The following GLRA2 variants were observed in gnomAD, a reference collection of about 807,000 sequenced individuals.
GLRA2 encodes glycine receptor alpha 2, also known as glycine receptor subunit alpha-2.
GLRA2 carries 11 observed loss-of-function variants against 31.6 expected under a neutral mutation model. The ratio of observed to expected loss-of-function variants is 0.35; its 90% CI spans 0.22 to 0.58. The LOEUF (loss-of-function observed/expected upper bound fraction) is 0.58, where lower values mean the gene tolerates loss of function less well. GLRA2 is among the 20% of genes least tolerant of loss of function. GLRA2 has a pLI of 0.84. For missense variants in GLRA2, 212 were observed against 351.8 expected (o/e 0.60, Z 3.18); for synonymous variants, 132 against 134.0 (o/e 0.99, Z 0.10).
At chrX:14,602,493 T>C (rs1300039993) in intron 4 of GLRA2, among the ~76,000 whole-genome samples, 1 of 110,760 alleles carries the variant, frequency 9.0e-6, no homozygotes, top group Non-Finnish European at 1.9e-5. Context: ...TTAAGTTCTT[T>C]AGTGGTGATT....
At chrX:14,691,322 TGTGC>T (rs1371457683) in intron 8 of GLRA2, among the ~76,000 whole-genome samples, 33 of 81,949 alleles carry the variant, frequency 4.0e-4, no homozygotes, top group African/African-American at 1.4e-3. Context: ...TGTGTGTGTG[TGTGC>T]GCGCGTGCGT....
In GLRA2 at chrX:14,671,177, A is replaced by G. The variant is rs189384704; in HGVS notation, c.931-19533A>G. On this transcript the variant is annotated intron_variant, in intron 7 of 8. Coordinates refer to ENST00000218075, the MANE Select transcript of GLRA2 (RefSeq NM_002063.4). Reference sequence around the variant, plus strand: ...ACTCCATTCTTACTGGTGATGGGCAAGCCAGCCAGGCATAGGATATTTGCT... The same window carrying G: ...ACTCCATTCTTACTGGTGATGGGCAGGCCAGCCAGGCATAGGATATTTGCT... Among the ~76,000 whole-genome samples the G allele has an allele frequency of 1.2e-4, 13 of 111,905 alleles. No homozygotes were observed. The East Asian group carries it at 3.7e-3, about 32-fold the overall frequency.
At chrX:14,556,906 T>C (rs766711074) in intron 2 of GLRA2, among the ~76,000 whole-genome samples, 93 of 111,017 alleles carry the variant, frequency 8.4e-4, no homozygotes, top group African/African-American at 3.0e-3. Flanking sequence ...AGGTCATAAG[T>C]AGTAGAAGAC....
At chrX:14,642,865 G>A (rs1200496706) in intron 7 of GLRA2, among the ~76,000 whole-genome samples, 3 of 110,682 alleles carry the variant, frequency 2.7e-5, no homozygotes, top group Non-Finnish European at 5.7e-5. Context: ...TAGAACCAGT[G>A]AGCTGATAAG....
chrX:14,533,523 GAAAA>G (rs1044537875), intron 2 of GLRA2, among the ~76,000 whole-genome samples: 1 of 95,374 alleles, frequency 1.0e-5, no homozygotes, highest in Non-Finnish European at 2.1e-5. Context: ...AAATTTTTCT[GAAAA>G]AAAAAAAAAG....
intron 2 of GLRA2, among the ~76,000 whole-genome samples, chrX:14,557,415 C>A (rs1352880368): frequency 4.5e-5 from 5 of 111,173 alleles, no homozygotes; most frequent in African/African-American, 1.6e-4. Flanking sequence ...GTGCCCGGCC[C>A]ACCTAAAGTA....
intron 7 of GLRA2, among the ~76,000 whole-genome samples, chrX:14,688,310 C>T (rs1191339008): frequency 9.0e-6 from 1 of 111,457 alleles, no homozygotes; most frequent in Non-Finnish European, 1.9e-5. Context: ...CTGGGAGAAC[C>T]ACTACTCTCT....
the GLRA2 span, among the ~76,000 whole-genome samples, chrX:14,501,989 G>A: frequency 9.0e-6 from 1 of 110,814 alleles, no homozygotes; most frequent in African/African-American, 3.3e-5. Context: ...TTTCTTATAA[G>A]GATACCTGTC....
At chrX:14,454,829 A>G in the GLRA2 span, among the ~76,000 whole-genome samples, 1 of 112,277 alleles carries the variant, frequency 8.9e-6, no homozygotes, top group East Asian at 2.8e-4. Flanking sequence ...CTAAACAATG[A>G]TATAAAAATT....
intron 7 of GLRA2, among the ~76,000 whole-genome samples, chrX:14,657,800 T>C: frequency 8.9e-6 from 1 of 112,285 alleles, no homozygotes; most frequent in Admixed American, 9.4e-5. Context: ...GTGATGATGA[T>C]GATTATGAGT....
At chrX:14,703,219 C>T (rs1339666492) in intron 8 of GLRA2, among the ~76,000 whole-genome samples, 2 of 111,447 alleles carry the variant, frequency 1.8e-5, no homozygotes, top group East Asian at 5.6e-4. Flanking sequence ...AATAAACAAC[C>T]AAGGGGACAA....
intron 4 of GLRA2, among the ~76,000 whole-genome samples, chrX:14,585,539 A>G (rs1055476157): frequency 1.8e-5 from 2 of 111,553 alleles, no homozygotes; most frequent in Admixed American, 9.6e-5. Context: ...GGTTTGACTC[A>G]AATTTAAGGC....
chrX:14,518,880 T>C, the GLRA2 span, among the ~76,000 whole-genome samples: 4 of 102,500 alleles, frequency 3.9e-5, no homozygotes, highest in South Asian at 1.4e-3. Flanking sequence ...GGTGTGGTGG[T>C]GGGTGCCTGT....
intron 5 of GLRA2, 81 bp downstream of exon 5, chrX:14,604,478 G>A: frequency 1.7e-6 from 1 of 589,490 alleles, no homozygotes; most frequent in Admixed American, 2.5e-5. Flanking sequence ...AAAGAGAAAG[G>A]ACCCTTACAA....
chrX:14,727,355 A>T (rs2147269157), intron 8 of GLRA2, among the ~76,000 whole-genome samples: 1 of 112,294 alleles, frequency 8.9e-6, no homozygotes, highest in African/African-American at 3.2e-5. Flanking sequence ...GCCTAAGGTC[A>T]ACACAGCTTA....
chrX:14,472,469 G>T, the GLRA2 span, among the ~76,000 whole-genome samples: 1 of 110,906 alleles, frequency 9.0e-6, no homozygotes, highest in Non-Finnish European at 1.9e-5. Context: ...CCATTGTCTA[G>T]GTATTAAGCC....
intron 4 of GLRA2, among the ~76,000 whole-genome samples, chrX:14,593,680 C>A (rs1013250978): frequency 4.8e-5 from 5 of 104,873 alleles, no homozygotes; most frequent in African/African-American, 1.9e-4. Context: ...TTTCTCAGTT[C>A]CAGATTCACA....
At chrX:14,460,499 T>C in the GLRA2 span, among the ~76,000 whole-genome samples, 1 of 111,985 alleles carries the variant, frequency 8.9e-6, no homozygotes, top group Non-Finnish European at 1.9e-5. Flanking sequence ...ATCCATCTGG[T>C]CCTGGGCTGT....
chrX:14,602,908 C>A (rs2090291971), intron 4 of GLRA2, among the ~76,000 whole-genome samples: 1 of 111,508 alleles, frequency 9.0e-6, no homozygotes, highest in Non-Finnish European at 1.9e-5. Context: ...GTATCTTTTT[C>A]ATATAATAAC....
Sources: allele counts gnomAD v4.1 joint callset (sites outside exome capture counted in the v4.1 genomes callset), GRCh38; gene constraint gnomAD v4.1.1; transcripts MANE v1.5; gene names NCBI Gene and HGNC (gene_info 2026-07-23, HGNC 2026-07-21).